Variants in RAD51B observed in about 807,000 individuals in gnomAD.
The protein encoded by RAD51B is DNA repair protein RAD51 homolog 2.
Under a neutral mutation model 42.2 loss-of-function variants are expected in RAD51B, and 38 were observed. The ratio of observed to expected loss-of-function variants is 0.90; its 90% CI spans 0.70 to 1.18. RAD51B has a LOEUF of 1.18. RAD51B is among the 50% of genes most tolerant of loss of function. RAD51B has a pLI of 0.00. For synonymous variants in RAD51B, 154 were observed against 145.2 expected, an observed-to-expected ratio of 1.06 and a Z score of -0.43; for missense variants, 373 against 400.7, an observed-to-expected ratio of 0.93 and a Z score of 0.59.
intron 8 of RAD51B, among the ~76,000 whole-genome samples, chr14:68,386,757 G>C (rs970320941): frequency 6.6e-6 from 1 of 152,168 alleles, no homozygotes; most frequent in Non-Finnish European, 1.5e-5. Flanking sequence ...AGTCCCAGGA[G>C]GGGTTTCCCA....
chr14:68,400,019 T>C (rs1366754802), intron 8 of RAD51B, among the ~76,000 whole-genome samples: 1 of 152,156 alleles, frequency 6.6e-6, no homozygotes, highest in East Asian at 1.9e-4. Flanking sequence ...TCTCTTCTGT[T>C]CTTACTGCTT....
chr14:67,829,911 C>A (rs796424942), intron 3 of RAD51B, among the ~76,000 whole-genome samples: 21 of 152,210 alleles, frequency 1.4e-4, no homozygotes, highest in African/African-American at 5.1e-4. Context: ...ATAGGGATTA[C>A]TTAGTTTGGG....
At chr14:68,595,006 C>G in exon 11 of RAD51B, 1 of 1,076,212 alleles carries the variant, frequency 9.3e-7, no homozygotes, top group Non-Finnish European at 1.1e-6. Context: ...CTGAGACAAA[C>G]TAGGATCCAG....
At chr14:68,173,616 T>C (rs543262441) in intron 7 of RAD51B, among the ~76,000 whole-genome samples, 15 of 152,304 alleles carry the variant, frequency 9.8e-5, no homozygotes, top group Non-Finnish European at 2.2e-4. Context: ...AAGGTCTTGG[T>C]CCTGGTTCAT....
intron 7 of RAD51B, among the ~76,000 whole-genome samples, chr14:68,171,858 C>T (rs1033961374): frequency 6.6e-6 from 1 of 151,922 alleles, no homozygotes; most frequent in African/African-American, 2.4e-5. Flanking sequence ...AGATGCCCAC[C>T]ACCAAGCCCT....
At chr14:68,405,961 C>G (rs1029743435) in intron 8 of RAD51B, among the ~76,000 whole-genome samples, 4 of 151,724 alleles carry the variant, frequency 2.6e-5, no homozygotes, top group African/African-American at 7.3e-5. Flanking sequence ...ATCTAAGCAA[C>G]TAATTTCTAG....
chr14:68,299,356 G>A (rs1029425382), intron 8 of RAD51B, among the ~76,000 whole-genome samples: 5 of 152,226 alleles, frequency 3.3e-5, no homozygotes, highest in African/African-American at 9.6e-5. Flanking sequence ...TCAAAAAATA[G>A]TAGGGGAAAA....
chr14:68,020,166 A>G (rs2056887993), intron 7 of RAD51B, among the ~76,000 whole-genome samples: 2 of 152,084 alleles, frequency 1.3e-5, no homozygotes, highest in Non-Finnish European at 2.9e-5. Flanking sequence ...CTGGAGTACA[A>G]TGGTGCAATC....
chr14:68,520,607 AT>A (rs1186700261), intron 10 of RAD51B, among the ~76,000 whole-genome samples: 4 of 152,140 alleles, frequency 2.6e-5, no homozygotes, highest in African/African-American at 9.7e-5. Context: ...GCTCATATGT[AT>A]TTTTTGCCAG....
At chr14:68,654,661 T>A (rs1340974168) in intron 11 of RAD51B, among the ~76,000 whole-genome samples, 1 of 152,100 alleles carries the variant, frequency 6.6e-6, no homozygotes, top group Non-Finnish European at 1.5e-5. Flanking sequence ...TTGGTGAGGA[T>A]CGTGAGCAGT....
chr14:67,875,796 G>A (rs2042705911), intron 5 of RAD51B, among the ~76,000 whole-genome samples: 1 of 152,152 alleles, frequency 6.6e-6, no homozygotes, highest in Non-Finnish European at 1.5e-5. Flanking sequence ...AAAATTGGAG[G>A]CATAGCAGGG....
chr14:68,530,862 A>G (rs1887259444), intron 10 of RAD51B, among the ~76,000 whole-genome samples: 1 of 152,190 alleles, frequency 6.6e-6, no homozygotes, highest in South Asian at 2.1e-4. Context: ...TCAACTGACT[A>G]TAAAATAACT....
In RAD51B at chr14:68,511,162, T is replaced by C. The variant is rs146076771; in HGVS notation, c.1036+42912T>C. ...CTGAACTAGTGCTTTGGGACACCTC[T>C]AGGAGTGGAAGAAATGGTCAGATTT... is the stretch of plus-strand genomic sequence containing the variant. On this transcript the variant is annotated intron_variant, in intron 10 of 10. Coordinates refer to the RAD51B transcript ENST00000487270. 3.9e-5 allele frequency among the ~76,000 whole-genome samples: 6 copies of C among 152,270 alleles called. No individual in the cohort carries two copies. In the East Asian group the frequency reaches 1.2e-3, roughly 29 times the overall value.
At chr14:67,942,380 A>G (rs916304884) in intron 7 of RAD51B, among the ~76,000 whole-genome samples, 2 of 152,166 alleles carry the variant, frequency 1.3e-5, no homozygotes, top group African/African-American at 4.8e-5. Flanking sequence ...TCCTAGTCCT[A>G]TTATGGAAAT....
intron 11 of RAD51B, among the ~76,000 whole-genome samples, chr14:68,654,710 C>T (rs539215131): frequency 2.6e-5 from 4 of 152,286 alleles, no homozygotes; most frequent in East Asian, 1.9e-4. Flanking sequence ...AACTCTACCG[C>T]GGCCTTGAGT....
At chr14:68,348,771 C>T (rs887647969) in intron 8 of RAD51B, among the ~76,000 whole-genome samples, 6 of 152,060 alleles carry the variant, frequency 3.9e-5, no homozygotes, top group Non-Finnish European at 8.8e-5. Flanking sequence ...TGGTGGGGGG[C>T]GCCTGTAGTC....
At chr14:68,537,529 A>G (rs1373699919) in intron 10 of RAD51B, among the ~76,000 whole-genome samples, 1 of 151,994 alleles carries the variant, frequency 6.6e-6, no homozygotes, top group Admixed American at 6.6e-5. Flanking sequence ...GAATCACTGA[A>G]ACAGATTTTA....
chr14:68,327,860 A>G (rs934444574), intron 8 of RAD51B, among the ~76,000 whole-genome samples: 1 of 152,352 alleles, frequency 6.6e-6, no homozygotes, highest in South Asian at 2.1e-4. Context: ...ATCCTGGTAC[A>G]TTTCAGCACA....
At chr14:68,410,181 A>G (rs2140078701) in intron 8 of RAD51B, among the ~76,000 whole-genome samples, 1 of 152,264 alleles carries the variant, frequency 6.6e-6, no homozygotes, top group Non-Finnish European at 1.5e-5. Context: ...TGCGAGTTAG[A>G]CATTGCCAAT....
Sources: allele counts gnomAD v4.1 joint callset (sites outside exome capture counted in the v4.1 genomes callset), GRCh38; gene constraint gnomAD v4.1.1; transcripts MANE v1.5; gene names NCBI Gene and HGNC (gene_info 2026-07-23, HGNC 2026-07-21).